FOXP1: variants seen among roughly 807,000 people sequenced by gnomAD.
FOXP1 encodes the protein forkhead box P1.
FOXP1 carries 15 observed loss-of-function variants against 98.2 expected under a neutral mutation model. That is an observed-to-expected ratio of 0.15 (90% CI 0.10 to 0.24). The LOEUF is 0.24. Among genes scored for constraint, FOXP1 ranks in the 10% least tolerant of loss-of-function variants. The pLI is 1.00. For missense variants in FOXP1, 633 were observed against 848.5 expected (o/e 0.75, Z 3.15); for synonymous variants, 371 against 314.5 (o/e 1.18, Z -1.90).
At chr3:71,244,283 C>T (rs958588004) in intron 5 of FOXP1, among the ~76,000 whole-genome samples, 1 of 152,142 alleles carries the variant, frequency 6.6e-6, no homozygotes. Flanking sequence ...TAAAAGCTGC[C>T]ACAGTGCGTG....
At chr3:71,579,635 T>TC (rs1553648124) in intron 2 of FOXP1, among the ~76,000 whole-genome samples, 2 of 147,352 alleles carry the variant, frequency 1.4e-5, no homozygotes, top group Non-Finnish European at 3.0e-5. Flanking sequence ...CTTTTTTCTT[T>TC]TTTTTTTTTT....
At position 71,583,569 on chromosome 3, in the gene FOXP1, A is replaced by C. The variant is rs1578286785; in HGVS notation, c.-447+2T>G. On this transcript the variant is annotated splice_donor_variant, in intron 1 of 20. Coordinates refer to ENST00000649528, the MANE Select transcript of FOXP1 (RefSeq NM_001349338.3). LOFTEE classifies it low-confidence loss of function (5UTR_SPLICE). ...AGCAGAAATGGAAAAATACAAACTC[A>C]CCCGCTGCAAATGGTCTCTCGGTGC... The C allele has an allele frequency of 1.0e-6, 1 of 977,058 alleles. No individual in the cohort carries two copies. The highest frequency in any genetic ancestry group is 1.2e-6 in the Non-Finnish European group (1 of 828,308). The allele number at this position is 977,058 out of a possible 1,614,324, so 60.5% of individuals were successfully genotyped here.
intron 3 of FOXP1, among the ~76,000 whole-genome samples, chr3:71,423,296 G>A (rs949093947): frequency 6.6e-5 from 10 of 152,168 alleles, no homozygotes; most frequent in African/African-American, 2.4e-4. Context: ...GCATCGCAGA[G>A]CAAGACCAAG....
chr3:71,446,824 C>T (rs2086489395), intron 3 of FOXP1, among the ~76,000 whole-genome samples: 1 of 152,260 alleles, frequency 6.6e-6, no homozygotes, highest in Admixed American at 6.5e-5. Context: ...CATTCCTCAG[C>T]AGGAGTAAGT....
At chr3:71,358,728 A>T (rs1202629995) in intron 4 of FOXP1, among the ~76,000 whole-genome samples, 6 of 152,204 alleles carry the variant, frequency 3.9e-5, no homozygotes, top group Non-Finnish European at 8.8e-5. Flanking sequence ...CTTCAGGCCA[A>T]ATATGGCTTA....
chr3:71,130,730 G>T (rs772813991), intron 6 of FOXP1: 15 of 1,493,866 alleles, frequency 1.0e-5, no homozygotes, highest in Non-Finnish European at 1.3e-5. Context: ...ACAGTAGCTG[G>T]CTGGGCTCTC....
intron 3 of FOXP1, among the ~76,000 whole-genome samples, chr3:71,477,171 C>G (rs536076459): frequency 6.6e-6 from 1 of 152,172 alleles, no homozygotes; most frequent in South Asian, 2.1e-4. Flanking sequence ...CAGCGCCCCC[C>G]AGAAGATCCA....
intron 5 of FOXP1, among the ~76,000 whole-genome samples, chr3:71,212,814 A>C (rs1364153665): frequency 6.6e-6 from 1 of 152,100 alleles, no homozygotes; most frequent in Non-Finnish European, 1.5e-5. Context: ...TTTGCCTTAA[A>C]ATCTTAAGAA....
At chr3:71,488,966 T>C (rs1431709352) in intron 3 of FOXP1, among the ~76,000 whole-genome samples, 1 of 152,174 alleles carries the variant, frequency 6.6e-6, no homozygotes, top group African/African-American at 2.4e-5. Flanking sequence ...TTCCAGAGAC[T>C]GGAAGTTTAA....
In FOXP1 at chr3:71,381,708, T is replaced by C. The variant is rs2080194645; in HGVS notation, c.-167-22464A>G. On this transcript the variant is annotated intron_variant, in intron 3 of 20. Transcript: ENST00000649528. ...ATCCACCCACCTCAGTCTCCCAAAG[T>C]GCGGGACTTATAAGCATGGGCCATC... is the stretch of plus-strand genomic sequence containing the variant. Among the ~76,000 whole-genome samples, 2 of 152,192 alleles carry C rather than the reference T, an allele frequency of 1.3e-5. 1 individual carries two copies. Among genetic ancestry groups the C allele is most frequent in the South Asian group, 4.1e-4 (2 of 4,836 alleles).
chr3:71,144,132 G>A (rs1335231259), intron 6 of FOXP1, among the ~76,000 whole-genome samples: 1 of 152,092 alleles, frequency 6.6e-6, no homozygotes, highest in Non-Finnish European at 1.5e-5. Context: ...CGATTCCCCT[G>A]CTAAAAGAGC....
intron 3 of FOXP1, among the ~76,000 whole-genome samples, chr3:71,407,445 C>T (rs1223546090): frequency 6.6e-6 from 1 of 152,176 alleles, no homozygotes; most frequent in African/African-American, 2.4e-5. Context: ...GCCAGAGTTA[C>T]ATTATGCACC....
At chr3:71,064,694 A>AT (rs971278112) in intron 7 of FOXP1, 7 of 621,548 alleles carry the variant, frequency 1.1e-5, no homozygotes, top group African/African-American at 4.0e-5. Flanking sequence ...GATGAGGATG[A>AT]TTTTTTAAAA....
intron 5 of FOXP1, among the ~76,000 whole-genome samples, chr3:71,216,531 GAT>G (rs1257153820): frequency 2.0e-5 from 3 of 152,132 alleles, no homozygotes; most frequent in African/African-American, 7.2e-5. Flanking sequence ...GTAGCCGCAT[GAT>G]ACTGACCATC....
intron 6 of FOXP1, among the ~76,000 whole-genome samples, chr3:71,181,838 C>T (rs1451010342): frequency 1.3e-5 from 2 of 151,908 alleles, no homozygotes; most frequent in Non-Finnish European, 2.9e-5. Context: ...CAAGACTATC[C>T]TGGCTAACAT....
At chr3:71,461,947 C>A (rs796113296) in intron 3 of FOXP1, among the ~76,000 whole-genome samples, 2 of 152,032 alleles carry the variant, frequency 1.3e-5, no homozygotes, top group Admixed American at 1.3e-4. Context: ...AGAACTTAAC[C>A]CTCCCCAGAA....
chr3:71,455,652 T>A (rs971483059), intron 3 of FOXP1, among the ~76,000 whole-genome samples: 2 of 152,136 alleles, frequency 1.3e-5, no homozygotes. Flanking sequence ...CACGTCATGC[T>A]CTTAAAGGCC....
intron 3 of FOXP1, among the ~76,000 whole-genome samples, chr3:71,361,422 C>T (rs529461124): frequency 6.6e-5 from 10 of 152,300 alleles, no homozygotes; most frequent in Admixed American, 2.6e-4. Flanking sequence ...CACAGCCCCA[C>T]GTCAGGGCAA....
At chr3:71,349,886 C>T (rs1448830570) in intron 4 of FOXP1, among the ~76,000 whole-genome samples, 1 of 152,060 alleles carries the variant, frequency 6.6e-6, no homozygotes, top group African/African-American at 2.4e-5. Context: ...TCCTCAGGTA[C>T]CAGATGAGAA....
Sources: allele counts gnomAD v4.1 joint callset (sites outside exome capture counted in the v4.1 genomes callset), GRCh38; gene constraint gnomAD v4.1.1; transcripts MANE v1.5; gene names NCBI Gene and HGNC (gene_info 2026-07-23, HGNC 2026-07-21).